Variants in TFDP2 observed in about 807,000 individuals in gnomAD.
TFDP2 encodes transcription factor Dp-2 (E2F dimerization partner 2).
In TFDP2, 17 loss-of-function variants were observed where a neutral mutation model predicts 59.3. The ratio of observed to expected loss-of-function variants is 0.29; its 90% CI spans 0.20 to 0.43. TFDP2 has a LOEUF of 0.43. TFDP2 is among the 20% of genes least tolerant of loss of function. The probability of loss-of-function intolerance (pLI) is 1.00; values close to 1 mark genes in which losing one functional copy is unlikely to be tolerated. For missense variants in TFDP2, 391 were observed against 528.8 expected (o/e 0.74, Z 2.56); for synonymous variants, 180 against 194.7 (o/e 0.92, Z 0.63).
chr3:142,130,491 CT>C (rs879723016), intron 1 of TFDP2, among the ~76,000 whole-genome samples: 3,625 of 142,516 alleles, frequency 0.025, 125 homozygotes, highest in African/African-American at 0.078. Context: ...TTTACTATTT[CT>C]TTTTTTTTTT....
chr3:142,030,368 T>C (rs939613424), intron 3 of TFDP2, among the ~76,000 whole-genome samples: 1 of 152,224 alleles, frequency 6.6e-6, no homozygotes, highest in African/African-American at 2.4e-5. Context: ...TAAAATTCTA[T>C]AAAGTAAGTT....
chr3:142,144,820 G>A (rs747730426), intron 1 of TFDP2, among the ~76,000 whole-genome samples: 14 of 152,182 alleles, frequency 9.2e-5, no homozygotes, highest in Non-Finnish European at 1.9e-4. Flanking sequence ...GATTATAGGC[G>A]TGAGTCACTG....
chr3:141,965,727 C>A (rs1177411235), intron 9 of TFDP2, among the ~76,000 whole-genome samples: 2 of 151,970 alleles, frequency 1.3e-5, no homozygotes, highest in Non-Finnish European at 2.9e-5. Flanking sequence ...AAATAATGAA[C>A]ACCAATTTAT....
intron 6 of TFDP2, among the ~76,000 whole-genome samples, chr3:141,989,723 C>T (rs1942534578): frequency 1.3e-5 from 2 of 152,226 alleles, no homozygotes; most frequent in African/African-American, 2.4e-5. Context: ...ATGTAGGGTA[C>T]AATGGCTACC....
In TFDP2 at chr3:141,946,677, G is replaced by C. The variant is rs1301310374; in HGVS notation, c.*5836C>G. On this transcript the variant is annotated 3_prime_UTR_variant, in exon 13 of 13. Coordinates refer to ENST00000489671, the MANE Select transcript of TFDP2 (RefSeq NM_001178139.2). Reference sequence around the variant, plus strand: ...CTTCTCAGAGACGTTTTGGTTAAGGGACTACTTCCTGAGAAACGTTATAAT... The same window carrying C: ...CTTCTCAGAGACGTTTTGGTTAAGGCACTACTTCCTGAGAAACGTTATAAT... The C allele has an allele frequency of 6.6e-6, 1 of 152,170 alleles. No homozygotes were observed. The highest frequency in any genetic ancestry group is 1.5e-5 in the Non-Finnish European group (1 of 68,022). The allele number at this position is 152,170 out of a possible 1,614,324, so 9.4% of individuals were successfully genotyped here. A position where few individuals can be genotyped will look rare whatever the true frequency, so the allele number is the denominator to read the frequency against.
intron 3 of TFDP2, among the ~76,000 whole-genome samples, chr3:142,041,582 G>A (rs974040977): frequency 6.6e-6 from 1 of 152,216 alleles, no homozygotes; most frequent in African/African-American, 2.4e-5. Context: ...GTGGAACTGT[G>A]AGTCCATTAA....
intron 11 of TFDP2, among the ~76,000 whole-genome samples, chr3:141,953,503 C>T (rs1003563082): frequency 5.3e-5 from 8 of 152,268 alleles, no homozygotes; most frequent in Admixed American, 1.3e-4. Context: ...AAACCCCCGC[C>T]GCAATGTCTT....
rs548509763 is a variant in TFDP2 at position 141,991,632 on chromosome 3, C to T, written c.356+1906G>A. On this transcript the variant is annotated intron_variant, in intron 6 of 12. Coordinates refer to ENST00000489671, the MANE Select transcript of TFDP2 (RefSeq NM_001178139.2). ...AATTAGCGGGCACACGCCTGTAGTC[C>T]CAGCTACTTGGGAGGCTGAGGCAGG... Among the ~76,000 whole-genome samples the T allele has an allele frequency of 2.0e-5, 3 of 152,164 alleles. No homozygotes were observed. The South Asian group carries it at 6.2e-4, about 32-fold the overall frequency.
At chr3:142,092,115 T>C (rs1156578133) in intron 3 of TFDP2, among the ~76,000 whole-genome samples, 1 of 152,114 alleles carries the variant, frequency 6.6e-6, no homozygotes, top group Non-Finnish European at 1.5e-5. Context: ...CTTAAACAAA[T>C]AATCAACTTA....
chr3:142,111,723 G>A (rs7619115), intron 1 of TFDP2, among the ~76,000 whole-genome samples: 1,863 of 152,176 alleles, frequency 0.012, 41 homozygotes, highest in African/African-American at 0.043. Context: ...GGGCTGCTAA[G>A]AGATGAGGTA....
At chr3:142,067,137 G>A (rs1188118784) in intron 3 of TFDP2, among the ~76,000 whole-genome samples, 1 of 152,120 alleles carries the variant, frequency 6.6e-6, no homozygotes, top group Non-Finnish European at 1.5e-5. Context: ...ATCAAACCTT[G>A]TGCTGAAAGT....
Position 142,057,614 on chromosome 3 carries a change from A to C in TFDP2, c.82+35447T>G, listed in dbSNP as rs148592894. ...ACAAGTAGTCTGGTGAAACAATCTGAGTGCTATGAATTCCATAAATTATTT... is the reference window on the plus strand; with the variant it reads ...ACAAGTAGTCTGGTGAAACAATCTGCGTGCTATGAATTCCATAAATTATTT... On this transcript the variant is annotated intron_variant, in intron 3 of 12. Coordinates refer to ENST00000489671, the MANE Select transcript of TFDP2 (RefSeq NM_001178139.2). 1.2e-4 allele frequency among the ~76,000 whole-genome samples: 19 copies of C among 152,364 alleles called. No individual in the cohort carries two copies. In the East Asian group the frequency reaches 3.7e-3, roughly 29 times the overall value.
At chr3:142,043,221 G>A (rs1181400407) in intron 3 of TFDP2, among the ~76,000 whole-genome samples, 1 of 137,256 alleles carries the variant, frequency 7.3e-6, no homozygotes, top group Non-Finnish European at 1.6e-5. Flanking sequence ...TAATTTTTTT[G>A]TATTTTTAGT....
At chr3:142,100,623 T>G (rs992835659) in intron 2 of TFDP2, among the ~76,000 whole-genome samples, 3 of 152,168 alleles carry the variant, frequency 2.0e-5, no homozygotes, top group African/African-American at 7.2e-5. Flanking sequence ...TCTGCCCACC[T>G]TGGCCTCCCA....
chr3:142,029,952 T>C (rs1369370441), intron 3 of TFDP2, among the ~76,000 whole-genome samples: 1 of 152,252 alleles, frequency 6.6e-6, no homozygotes. Context: ...TTTTCCTTCG[T>C]TGACTAGTTA....
At chr3:141,953,671 G>A (rs1054132551) in intron 11 of TFDP2, among the ~76,000 whole-genome samples, 2 of 151,650 alleles carry the variant, frequency 1.3e-5, no homozygotes, top group Non-Finnish European at 2.9e-5. Context: ...TAGGGTACAT[G>A]TGCACAATGT....
chr3:142,139,292 A>C (rs375232206), intron 1 of TFDP2, among the ~76,000 whole-genome samples: 2 of 152,146 alleles, frequency 1.3e-5, no homozygotes, highest in East Asian at 3.9e-4. Flanking sequence ...TGAATATAGC[A>C]CACTGATGGG....
At chr3:142,102,291 C>G (rs1258253998) in intron 1 of TFDP2, among the ~76,000 whole-genome samples, 2 of 151,912 alleles carry the variant, frequency 1.3e-5, no homozygotes, top group African/African-American at 4.8e-5. Context: ...AACTGAACAC[C>G]AAAGTACATA....
At chr3:141,996,887 TTAA>T (rs2108210499) in intron 4 of TFDP2, among the ~76,000 whole-genome samples, 1 of 152,292 alleles carries the variant, frequency 6.6e-6, no homozygotes, top group East Asian at 1.9e-4. Flanking sequence ...AAAACAAAAG[TTAA>T]TAATACTGAC....
Sources: allele counts gnomAD v4.1 joint callset (sites outside exome capture counted in the v4.1 genomes callset), GRCh38; gene constraint gnomAD v4.1.1; transcripts MANE v1.5; gene names NCBI Gene and HGNC (gene_info 2026-07-23, HGNC 2026-07-21).